ATP8B4: variants seen among roughly 807,000 people sequenced by gnomAD.
ATP8B4 encodes ATPase phospholipid transporting 8B4 (putative).
Under a neutral mutation model 145.6 loss-of-function variants are expected in ATP8B4, and 133 were observed. That is an observed-to-expected ratio of 0.91 (90% CI 0.79 to 1.05). ATP8B4 has a LOEUF of 1.05. ATP8B4 is among the 50% of genes least tolerant of loss of function. ATP8B4 has a pLI of 0.00. For synonymous variants in ATP8B4, 507 were observed against 492.9 expected, an observed-to-expected ratio of 1.03 and a Z score of -0.38; for missense variants, 1,458 against 1,425.2, an observed-to-expected ratio of 1.02 and a Z score of -0.37.
chr15:50,025,830 G>A (rs945042320), intron 6 of ATP8B4, among the ~76,000 whole-genome samples: 2 of 152,152 alleles, frequency 1.3e-5, no homozygotes, highest in African/African-American at 4.8e-5. Flanking sequence ...CTGGCACACA[G>A]GATTCACTCA....
intron 1 of ATP8B4, among the ~76,000 whole-genome samples, chr15:50,148,729 C>G (rs1348200170): frequency 2.0e-5 from 3 of 152,082 alleles, no homozygotes; most frequent in Admixed American, 6.5e-5. Context: ...AACAGGCTAA[C>G]ACAGATATTA....
At chr15:49,891,756 T>C (rs979198740) in intron 23 of ATP8B4, among the ~76,000 whole-genome samples, 1 of 152,200 alleles carries the variant, frequency 6.6e-6, no homozygotes, top group Non-Finnish European at 1.5e-5. Flanking sequence ...AAGCAAGTCT[T>C]TCTATTAGCA....
intron 1 of ATP8B4, among the ~76,000 whole-genome samples, chr15:50,114,251 A>T (rs953336898): frequency 2.0e-5 from 3 of 151,272 alleles, no homozygotes; most frequent in African/African-American, 7.3e-5. Context: ...GTAGTCCTTT[A>T]TTCCTCACTC....
intron 23 of ATP8B4, among the ~76,000 whole-genome samples, chr15:49,880,857 A>C (rs2153406344): frequency 6.6e-6 from 1 of 151,740 alleles, no homozygotes; most frequent in African/African-American, 2.4e-5. Context: ...TCACACCTGT[A>C]ATCCCAGCAC....
At chr15:50,012,306 C>T (rs1054302237) in intron 6 of ATP8B4, among the ~76,000 whole-genome samples, 1 of 152,148 alleles carries the variant, frequency 6.6e-6, no homozygotes, top group Non-Finnish European at 1.5e-5. Context: ...ACAGAGAAGG[C>T]TATTGTGTCA....
intron 6 of ATP8B4, among the ~76,000 whole-genome samples, chr15:50,011,590 C>T (rs2048726010): frequency 6.6e-6 from 1 of 152,140 alleles, no homozygotes; most frequent in Non-Finnish European, 1.5e-5. Flanking sequence ...GACCACCCTC[C>T]ACCCAGTTCA....
At chr15:50,096,792 C>A (rs1275882575) in intron 2 of ATP8B4, among the ~76,000 whole-genome samples, 1 of 152,210 alleles carries the variant, frequency 6.6e-6, no homozygotes, top group Admixed American at 6.5e-5. Context: ...GTCTTTCTCT[C>A]TCATCTCTAG....
chr15:50,061,689 C>T (rs2053037901), intron 3 of ATP8B4, among the ~76,000 whole-genome samples: 1 of 152,172 alleles, frequency 6.6e-6, no homozygotes, highest in South Asian at 2.1e-4. Context: ...TAACATGTGA[C>T]TGGCACTTGG....
intron 2 of ATP8B4, among the ~76,000 whole-genome samples, chr15:50,089,098 C>T (rs995369820): frequency 1.2e-4 from 19 of 152,098 alleles, no homozygotes; most frequent in African/African-American, 4.3e-4. Context: ...AAACTGGACC[C>T]CTTCCTTATG....
Position 49,866,468 on chromosome 15 carries a change from C to T in ATP8B4, c.3044G>A (p.Ser1015Asn). The T allele has an allele frequency of 6.2e-7, 1 of 1,613,736 alleles. No individual in the cohort carries two copies. The highest frequency in any genetic ancestry group is 2.2e-5 in the East Asian group (1 of 44,850). The part of the protein sequence containing the change: ...VVSVQIALDT[S>N]YWTFINHVFI... ...GACGTGATTAATGAAAGTCCAGTAA[C>T]TGGTATCCAAGGCTATCTGTAAATA... Residue 1015 changes from serine to asparagine, a missense_variant, in exon 26 of 28, where the codon AGT (serine) becomes AAT (asparagine). Ser to Asn is a conservative substitution (Grantham distance 46). Coordinates refer to ENST00000284509, the MANE Select transcript of ATP8B4 (RefSeq NM_024837.4).
chr15:50,154,907 A>G (rs1369861063), intron 1 of ATP8B4, among the ~76,000 whole-genome samples: 1 of 151,970 alleles, frequency 6.6e-6, no homozygotes, highest in Non-Finnish European at 1.5e-5. Context: ...AATTTGTTTA[A>G]GTTTTTTATT....
At position 49,930,012 on chromosome 15, in the gene ATP8B4, G is replaced by C. The variant is rs144987746; in HGVS notation, c.1642+1107C>G. On this transcript the variant is annotated intron_variant, in intron 16 of 27. Transcript: ENST00000284509. ...GGGATGGAAAGCAGAAAAATATAGT[G>C]GCAAAGTCAGTGGACACCAGCATAT... Among the ~76,000 whole-genome samples, 62 of 152,058 alleles carry C rather than the reference G, an allele frequency of 4.1e-4. No homozygotes were observed. The East Asian group carries it at 0.012, about 29-fold the overall frequency.
At chr15:49,915,043 T>C (rs1412884513) in intron 20 of ATP8B4, among the ~76,000 whole-genome samples, 2 of 152,112 alleles carry the variant, frequency 1.3e-5, no homozygotes, top group Non-Finnish European at 2.9e-5. Flanking sequence ...ATATCAAATA[T>C]ATATGAAATC....
chr15:49,961,022 A>G (rs559069050), intron 14 of ATP8B4, among the ~76,000 whole-genome samples: 256 of 152,036 alleles, frequency 1.7e-3, no homozygotes, highest in Non-Finnish European at 3.0e-3. Flanking sequence ...AGTCCCAGCT[A>G]CTCGGGAGGC....
intron 2 of ATP8B4, among the ~76,000 whole-genome samples, chr15:50,095,363 A>G (rs1050064598): frequency 1.3e-5 from 2 of 152,320 alleles, no homozygotes; most frequent in South Asian, 4.1e-4. Context: ...TTTAAGGTAG[A>G]TGGCAGAATA....
chr15:50,027,787 G>C (rs2050124774), intron 6 of ATP8B4, among the ~76,000 whole-genome samples: 2 of 152,168 alleles, frequency 1.3e-5, no homozygotes, highest in Non-Finnish European at 2.9e-5. Flanking sequence ...GTCGTGGATA[G>C]GTCCTCGAAA....
At chr15:49,910,331 G>T (rs2039097657) in intron 20 of ATP8B4, among the ~76,000 whole-genome samples, 3 of 152,114 alleles carry the variant, frequency 2.0e-5, no homozygotes, top group African/African-American at 7.2e-5. Context: ...AGTAGACAAA[G>T]CCTACATAAC....
chr15:50,038,811 T>C lies in ATP8B4; in HGVS notation c.319A>G (p.Asn107Asp). ...TDDYFRHKSDNQVNNRQSEVL... is the reference protein window; with the variant it reads ...TDDYFRHKSDDQVNNRQSEVL... ...TCAGACTGCCGATTATTCACTTGAT[T>C]ATCACTCTTGTGGCGAAACTGAAAA... Residue 107 changes from asparagine (N) to aspartate (D), a missense_variant, in exon 6 of 28, where the codon AAT becomes GAT. By Grantham distance (23) the Asn-to-Asp change is conservative. Coordinates refer to ENST00000284509, the MANE Select transcript of ATP8B4 (RefSeq NM_024837.4). 6.2e-7 allele frequency: 1 copy of C among 1,613,712 alleles called. No individual in the cohort carries two copies. Among genetic ancestry groups the C allele is most frequent in the East Asian group, 2.2e-5 (1 of 44,864 alleles).
intron 1 of ATP8B4, among the ~76,000 whole-genome samples, chr15:50,146,610 G>A (rs916552597): frequency 1.3e-5 from 2 of 152,188 alleles, no homozygotes; most frequent in Non-Finnish European, 2.9e-5. Flanking sequence ...ATTTCAAATA[G>A]ATAAACATAT....
Sources: gnomAD v4.1 joint callset for allele counts (sites outside exome capture counted in the v4.1 genomes callset) on GRCh38, gnomAD v4.1.1 for gene constraint, MANE v1.5 for transcripts, NCBI Gene and HGNC (gene_info 2026-07-23, HGNC 2026-07-21) for gene names.